The following NIF3L1 variants were observed in gnomAD, a reference collection of about 807,000 sequenced individuals.
The protein encoded by NIF3L1 is NGG1 interacting factor 3 like 1.
A neutral mutation model predicts 35.0 loss-of-function variants in NIF3L1; 26 were observed. That is an observed-to-expected ratio of 0.74 (90% CI 0.54 to 1.03). The LOEUF (loss-of-function observed/expected upper bound fraction) is 1.03, where lower values mean the gene tolerates loss of function less well. Ranked by LOEUF, NIF3L1 falls within the 50% of genes least tolerant of loss-of-function variation. The probability of loss-of-function intolerance (pLI) is 0.00; values close to 1 mark genes in which losing one functional copy is unlikely to be tolerated. For synonymous variants in NIF3L1, 157 were observed against 178.9 expected, an observed-to-expected ratio of 0.88 and a Z score of 0.98; for missense variants, 449 against 466.3, an observed-to-expected ratio of 0.96 and a Z score of 0.34.
intron 6 of NIF3L1, among the ~76,000 whole-genome samples, chr2:200,900,572 A>G (rs1451126137): frequency 6.6e-6 from 1 of 152,190 alleles, no homozygotes; most frequent in African/African-American, 2.4e-5. Context: ...GCATTGTCAC[A>G]TCCTGAAGTA....
intron 1 of NIF3L1, among the ~76,000 whole-genome samples, chr2:200,891,026 T>G (rs891536068): frequency 6.6e-6 from 1 of 151,876 alleles, no homozygotes; most frequent in Admixed American, 6.6e-5. Context: ...TGGCATGATC[T>G]TGGCTCACTG....
intron 6 of NIF3L1, among the ~76,000 whole-genome samples, chr2:200,901,263 G>A (rs983987327): frequency 2.6e-5 from 4 of 152,148 alleles, no homozygotes; most frequent in Non-Finnish European, 5.9e-5. Flanking sequence ...GTTGTTGTTA[G>A]TCTCCTTCAG....
At chr2:200,901,399 T>C (rs1371840713) in intron 6 of NIF3L1, among the ~76,000 whole-genome samples, 4 of 152,224 alleles carry the variant, frequency 2.6e-5, no homozygotes, top group Non-Finnish European at 5.9e-5. Flanking sequence ...AAACTAGTTT[T>C]TTAAAACAAT....
chr2:200,891,858 T>C (rs1292429159), intron 1 of NIF3L1, 60 bp from the exon 2 acceptor site: 3 of 1,022,370 alleles, frequency 2.9e-6, no homozygotes, highest in Non-Finnish European at 4.3e-6. Flanking sequence ...TATGTTTTGA[T>C]GCCTCAAAGA....
intron 6 of NIF3L1, among the ~76,000 whole-genome samples, chr2:200,902,501 G>A (rs2040424995): frequency 6.6e-6 from 1 of 152,148 alleles, no homozygotes; most frequent in Non-Finnish European, 1.5e-5. Flanking sequence ...CCAGGAGGCA[G>A]AGGTTGCAGT....
chr2:200,903,657 G>C lies in NIF3L1; in HGVS notation c.1113G>C (p.Arg371Ser), dbSNP rs367931180. The C allele has an allele frequency of 6.2e-6, 10 of 1,613,594 alleles. No homozygotes were observed. Among genetic ancestry groups the C allele is most frequent in the Non-Finnish European group, 8.5e-6 (10 of 1,179,582 alleles). Residue 371 changes from arginine (R) to serine (S), a missense_variant, in exon 7 of 7, where the codon AGG becomes AGC. Transcript: ENST00000409020. ...KINIILSETD[R>S]DPLQVV is the part of the protein sequence containing the mutation. The stretch of plus-strand genomic sequence containing the variant: ...ATATTATCCTATCAGAGACTGACAG[G>C]GACCCTCTTCAGGTGGTATAATTGC...
Position 200,903,814 on chromosome 2 carries a change from T to C in NIF3L1, c.*136T>C, listed in dbSNP as rs986138294. 16 of 723,966 alleles carry C rather than the reference T, an allele frequency of 2.2e-5. No homozygotes were observed. Among genetic ancestry groups the C allele is most frequent in the South Asian group, 1.5e-4 (10 of 66,044 alleles). The allele number at this position is 723,966 out of a possible 1,614,324, so 44.8% of individuals were successfully genotyped here. On this transcript the variant is annotated 3_prime_UTR_variant, in exon 7 of 7. Transcript: ENST00000409020. ...CATCATTTCCGGTTTGTTAATCTTATTCACCAAATGTTCTATCGCTCGTAA... is the reference window on the plus strand; with the variant it reads ...CATCATTTCCGGTTTGTTAATCTTACTCACCAAATGTTCTATCGCTCGTAA...
chr2:200,894,858 G>A (rs1374562771), intron 3 of NIF3L1, among the ~76,000 whole-genome samples: 1 of 152,062 alleles, frequency 6.6e-6, no homozygotes, highest in African/African-American at 2.4e-5. Flanking sequence ...TTACAGATGT[G>A]AGCCACTGCA....
rs541940951 is a variant in NIF3L1, at chr2:200,900,817, CTATGCAA to C, written c.949+1350_949+1356del. On this transcript the variant is annotated intron_variant, in intron 6 of 6. Coordinates refer to ENST00000409020, the MANE Select transcript of NIF3L1 (RefSeq NM_001369441.2). ...AGCATTTTACTTAGGAATTTCAGAC[CTATGCAA>C]AAGTTGCAAGAATAGTATACTGAAC... 2.6e-4 allele frequency among the ~76,000 whole-genome samples: 40 copies of C among 152,148 alleles called. 1 individual carries two copies. The Middle Eastern group carries it at 0.014, about 52-fold the overall frequency.
At position 200,891,971 on chromosome 2, in the gene NIF3L1, C is replaced by A. The variant is rs754089251; in HGVS notation, c.28C>A (p.Pro10Thr). The part of the protein sequence containing the change: MLSSCVRPV[P>T]TTVRFVDSLI... ...GTTGTCATCTTGCGTACGCCCAGTC[C>A]CCACGACAGTCCGGTTTGTAGATTC... Residue 10 changes from proline (P) to threonine (T), a missense_variant, in exon 2 of 7, where the codon CCC becomes ACC. By Grantham distance (38) the Pro-to-Thr change is conservative (BLOSUM62 -1). Transcript: ENST00000409020. 1 of 1,613,246 alleles carries A rather than the reference C, an allele frequency of 6.2e-7. No individual in the cohort carries two copies. The highest frequency in any genetic ancestry group is 1.1e-5 in the South Asian group (1 of 90,988).
intron 5 of NIF3L1, 80 bp from the exon 6 acceptor site, chr2:200,899,305 T>G: frequency 4.6e-6 from 5 of 1,080,302 alleles, no homozygotes; most frequent in Non-Finnish European, 7.0e-6. Context: ...GTATTATGTT[T>G]AGGATTCTTG....
intron 6 of NIF3L1, among the ~76,000 whole-genome samples, chr2:200,903,117 T>C (rs1157682310): frequency 6.6e-6 from 1 of 152,214 alleles, no homozygotes; most frequent in Non-Finnish European, 1.5e-5. Context: ...TTCACCTGTC[T>C]CAGCCTCCTG....
At chr2:200,899,120 T>C (rs920806985) in intron 5 of NIF3L1, 1 of 332,618 alleles carries the variant, frequency 3.0e-6, no homozygotes, top group African/African-American at 2.1e-5. Context: ...TTCCGTATTT[T>C]GCGCAATTTA....
chr2:200,899,124 CA>C (rs1260182171), intron 5 of NIF3L1: 3 of 329,220 alleles, frequency 9.1e-6, no homozygotes, highest in African/African-American at 6.4e-5. Context: ...GTATTTTGCG[CA>C]ATTTACAAAG....
intron 2 of NIF3L1, among the ~76,000 whole-genome samples, chr2:200,892,827 T>C (rs2040229240): frequency 6.6e-6 from 1 of 152,256 alleles, no homozygotes; most frequent in Non-Finnish European, 1.5e-5. Context: ...TTAGTAAGTC[T>C]TTAGTTTACT....
At chr2:200,903,148 C>T (rs1410323555) in intron 6 of NIF3L1, among the ~76,000 whole-genome samples, 4 of 152,062 alleles carry the variant, frequency 2.6e-5, no homozygotes, top group African/African-American at 7.2e-5. Context: ...ATTACAGGCA[C>T]GCACCACCAC....
chr2:200,903,495 T>C lies in NIF3L1; in HGVS notation c.951T>C (p.Gly317=), dbSNP rs780604607. ...QGVEADLYLT[G]EMSHHDTLDA... ...AATTTGCTCTTCCCTTTTTGGTAGGTGAGATGTCCCATCATGATACTTTGG... is the reference window on the plus strand; with the variant it reads ...AATTTGCTCTTCCCTTTTTGGTAGGCGAGATGTCCCATCATGATACTTTGG... Residue 317 remains glycine (G), a splice_region_variant and synonymous_variant, in exon 7 of 7, where the codon GGT becomes GGC. Coordinates refer to ENST00000409020, the MANE Select transcript of NIF3L1 (RefSeq NM_001369441.2). The C allele has an allele frequency of 6.8e-6, 11 of 1,609,822 alleles. No individual in the cohort carries two copies. The African/African-American group carries it at 1.1e-4, about 16-fold the overall frequency.
chr2:200,894,001 C>T (rs1347475088), intron 3 of NIF3L1, among the ~76,000 whole-genome samples: 2 of 152,000 alleles, frequency 1.3e-5, no homozygotes, highest in African/African-American at 4.8e-5. Context: ...ATGGAGAAAC[C>T]TCGTCTCTAC....
At chr2:200,899,718 C>G (rs1413960056) in intron 6 of NIF3L1, among the ~76,000 whole-genome samples, 1 of 152,144 alleles carries the variant, frequency 6.6e-6, no homozygotes, top group Non-Finnish European at 1.5e-5. Context: ...TAAACTGTCC[C>G]AAACCTCTCA....
Sources: allele counts gnomAD v4.1 joint callset (sites outside exome capture counted in the v4.1 genomes callset), GRCh38; gene constraint gnomAD v4.1.1; transcripts MANE v1.5; gene names NCBI Gene and HGNC (gene_info 2026-07-23, HGNC 2026-07-21).